Variants in C12orf50 observed in about 807,000 individuals in gnomAD.
C12orf50 encodes the protein uncharacterized protein C12orf50.
In C12orf50, 35 loss-of-function variants were observed where a neutral mutation model predicts 61.6. The ratio of observed to expected loss-of-function variants is 0.57; its 90% CI spans 0.43 to 0.75. The LOEUF (loss-of-function observed/expected upper bound fraction) is 0.75. Ranked by LOEUF, C12orf50 falls within the 30% of genes least tolerant of loss-of-function variation. The pLI is 0.00. For synonymous variants in C12orf50, 178 were observed against 161.5 expected, an observed-to-expected ratio of 1.10 and a Z score of -0.77; for missense variants, 475 against 488.5, an observed-to-expected ratio of 0.97 and a Z score of 0.26.
chr12:87,988,953 C>G (rs4597139), intron 8 of C12orf50, among the ~76,000 whole-genome samples: 1 of 152,062 alleles, frequency 6.6e-6, no homozygotes, highest in African/African-American at 2.4e-5. Context: ...ACAACGTTTT[C>G]TAACAAAATT....
At chr12:87,991,861 T>A (rs1323670914) in intron 7 of C12orf50, among the ~76,000 whole-genome samples, 2 of 152,204 alleles carry the variant, frequency 1.3e-5, no homozygotes, top group Non-Finnish European at 2.9e-5. Flanking sequence ...GTCTGTCAAA[T>A]CCCAATATCA....
chr12:88,015,058 G>A (rs1295984571), intron 3 of C12orf50, among the ~76,000 whole-genome samples: 1 of 151,904 alleles, frequency 6.6e-6, no homozygotes, highest in Non-Finnish European at 1.5e-5. Flanking sequence ...ATGTAGTCAG[G>A]ATAAAGAATC....
intron 1 of C12orf50, 194 bp downstream of exon 1, chr12:88,029,146 A>T (rs146620168): frequency 1.2e-5 from 15 of 1,256,604 alleles, no homozygotes; most frequent in African/African-American, 1.6e-5. Context: ...TGCTAATCCA[A>T]TGGTTTTTTT....
At chr12:87,988,076 T>C in intron 8 of C12orf50, 110 bp from the exon 9 acceptor site, 1 of 511,498 alleles carries the variant, frequency 2.0e-6, no homozygotes, top group East Asian at 3.4e-5. Context: ...CTCTTTAAAA[T>C]AATATATATA....
chr12:88,005,916 T>TTG (rs2031851805), intron 3 of C12orf50, among the ~76,000 whole-genome samples: 1 of 139,700 alleles, frequency 7.2e-6, no homozygotes, highest in African/African-American at 2.7e-5. Context: ...TTTTTGGTTT[T>TTG]TTTTTTTTTT....
At chr12:88,027,122 TCAA>T (rs2032737518) in intron 1 of C12orf50, 52 bp from the exon 2 acceptor site, 5 of 1,513,164 alleles carry the variant, frequency 3.3e-6, no homozygotes, top group Non-Finnish European at 8.8e-7. Flanking sequence ...ACATTAGTGT[TCAA>T]CAACAATAGG....
intron 9 of C12orf50, 107 bp from the exon 10 acceptor site, chr12:87,986,523 A>G: frequency 1.4e-6 from 1 of 705,672 alleles, no homozygotes; most frequent in Non-Finnish European, 2.2e-6. Context: ...AGCAAGAGGA[A>G]AAAATAAATG....
At position 87,986,353 on chromosome 12, in the gene C12orf50, T is replaced by C; in HGVS notation, c.881A>G (p.Tyr294Cys). 6.2e-7 allele frequency: 1 copy of C among 1,611,760 alleles called. No individual in the cohort carries two copies. Among genetic ancestry groups the C allele is most frequent in the Admixed American group, 1.7e-5 (1 of 59,794 alleles). Residue 294 changes from tyrosine (Y) to cysteine (C), a missense_variant, in exon 10 of 13, where the codon TAT becomes TGT. Transcript: ENST00000298699. Reference protein sequence around the residue: ...FKGVKKRKWIYDEPQNFPNSG... With the variant: ...FKGVKKRKWICDEPQNFPNSG... ...GTTAGGAAAGTTCTGTGGTTCATCA[T>C]AAATCCATTTTCTTTTCTTCACACC... is the stretch of plus-strand genomic sequence containing the variant.
At chr12:88,003,278 T>C (rs1392165749) in intron 3 of C12orf50, among the ~76,000 whole-genome samples, 2 of 151,928 alleles carry the variant, frequency 1.3e-5, no homozygotes, top group Non-Finnish European at 2.9e-5. Flanking sequence ...ATTACATTTC[T>C]AAATGTAACA....
In C12orf50 at chr12:87,985,871, G is replaced by A. The variant is rs781023029; in HGVS notation, c.1105C>T (p.Pro369Ser). 16 of 1,612,998 alleles carry A rather than the reference G, an allele frequency of 9.9e-6. No homozygotes were observed. The highest frequency in any genetic ancestry group is 2.2e-5 in the East Asian group (1 of 44,880). Residue 369 changes from proline (P) to serine (S), a missense_variant, in exon 11 of 13, where the codon CCC becomes TCC. Pro to Ser is a moderately conservative substitution (Grantham distance 74). Coordinates refer to ENST00000298699, the MANE Select transcript of C12orf50 (RefSeq NM_152589.3). ...TCACCTGGACTGAGGTTGGGTTTGG[G>A]TTCCCTGTTAGCATGGACTTTATTG... The part of the protein sequence containing the change: ...SYNKVHANRE[P>S]KPNLSPDKYT...
chr12:88,023,473 G>GC (rs1203225562), intron 3 of C12orf50, among the ~76,000 whole-genome samples: 1 of 150,788 alleles, frequency 6.6e-6, no homozygotes, highest in Non-Finnish European at 1.5e-5. Context: ...TACCGTCCTG[G>GC]CCAACATGGT....
intron 3 of C12orf50, among the ~76,000 whole-genome samples, chr12:88,013,510 C>G (rs1041784269): frequency 1.8e-4 from 28 of 152,124 alleles, no homozygotes; most frequent in African/African-American, 6.8e-4. Context: ...GGAGAATGCT[C>G]TTGAACTTAG....
chr12:87,989,342 T>C lies in C12orf50; in HGVS notation c.622A>G (p.Ile208Val), dbSNP rs200994715. 1 of 1,612,008 alleles carries C rather than the reference T, an allele frequency of 6.2e-7. No individual in the cohort carries two copies. Among genetic ancestry groups the C allele is most frequent in the Non-Finnish European group, 8.5e-7 (1 of 1,178,780 alleles). Residue 208 changes from isoleucine to valine, a missense_variant, in exon 8 of 13, where the codon ATA becomes GTA. Ile to Val is a conservative substitution (Grantham distance 29). Coordinates refer to ENST00000298699, the MANE Select transcript of C12orf50 (RefSeq NM_152589.3). Reference sequence around the variant, plus strand: ...TCACTTTCATCGACTCCAAGAAATATGACCCTCTGTGGAACATAACAGTCA... The same window carrying C: ...TCACTTTCATCGACTCCAAGAAATACGACCCTCTGTGGAACATAACAGTCA... ...GGDCYVPQRV[I>V]FLGVDESEAL...
intron 3 of C12orf50, among the ~76,000 whole-genome samples, chr12:88,019,406 G>T (rs1467500732): frequency 1.3e-5 from 2 of 152,082 alleles, no homozygotes; most frequent in African/African-American, 4.8e-5. Flanking sequence ...CTTGTAAATT[G>T]CCCAGTCTTG....
intron 1 of C12orf50, among the ~76,000 whole-genome samples, chr12:88,028,724 A>G (rs1200745016): frequency 1.3e-5 from 2 of 152,164 alleles, no homozygotes; most frequent in Non-Finnish European, 2.9e-5. Context: ...AACTAAAACA[A>G]TATCTTGTAA....
chr12:87,998,069 A>C lies in C12orf50; in HGVS notation c.255T>G (p.Asn85Lys), dbSNP rs1163720694. The change falls in exon 4 of 13, where the codon AAT becomes AAG. Residue 85 changes from asparagine (N) to lysine (K), a missense_variant. Asn to Lys is a moderately conservative substitution (Grantham distance 94). Transcript: ENST00000298699. ...CATCTACTTCCTCTTCTTCCTCAAA[A>C]TTAGTTTTTAAAACTAAAGGATGGT... ...PIHHPLVLKT[N>K]FEEEEEVDEQ... 1.9e-6 allele frequency: 3 copies of C among 1,611,852 alleles called. No homozygotes were observed. The South Asian group carries it at 3.3e-5, about 18-fold the overall frequency.
chr12:87,993,504 A>G (rs1286576888), intron 7 of C12orf50, among the ~76,000 whole-genome samples: 1 of 152,192 alleles, frequency 6.6e-6, no homozygotes, highest in Non-Finnish European at 1.5e-5. Context: ...CAGCTAGACT[A>G]AAACAGCTAG....
At chr12:88,011,373 C>T (rs2032103729) in intron 3 of C12orf50, among the ~76,000 whole-genome samples, 2 of 152,018 alleles carry the variant, frequency 1.3e-5, no homozygotes, top group South Asian at 4.1e-4. Flanking sequence ...GCTTTAGTTG[C>T]AGAAGGACTT....
intron 3 of C12orf50, among the ~76,000 whole-genome samples, chr12:88,023,419 A>G (rs1360962374): frequency 6.6e-6 from 1 of 151,632 alleles, no homozygotes; most frequent in African/African-American, 2.4e-5. Flanking sequence ...TAATCCCAGC[A>G]CTTTGGGAGG....
Sources: allele counts gnomAD v4.1 joint callset (sites outside exome capture counted in the v4.1 genomes callset), GRCh38; gene constraint gnomAD v4.1.1; transcripts MANE v1.5; gene names NCBI Gene and HGNC (gene_info 2026-07-23, HGNC 2026-07-21).